FLT1: variants seen among roughly 807,000 people sequenced by gnomAD.
FLT1 encodes fms related receptor tyrosine kinase 1.
FLT1 carries 49 observed loss-of-function variants against 156.3 expected under a neutral mutation model. That is an observed-to-expected ratio of 0.31 (90% CI 0.25 to 0.40). The LOEUF is 0.40. Among genes scored for constraint, FLT1 ranks in the 10% least tolerant of loss-of-function variants. The pLI, the probability that FLT1 is intolerant of heterozygous loss-of-function variation, is 1.00. For missense variants in FLT1, 1,322 were observed against 1,637.2 expected, an observed-to-expected ratio of 0.81 and a Z score of 3.32; for synonymous variants, 594 against 583.8, an observed-to-expected ratio of 1.02 and a Z score of -0.25.
intron 3 of FLT1, among the ~76,000 whole-genome samples, chr13:28,465,708 T>C (rs151141622): frequency 0.016 from 2,429 of 152,208 alleles, 31 homozygotes; most frequent in Non-Finnish European, 0.023. Context: ...CCAGGAGTGG[T>C]GGCAGACGCC....
In FLT1 at chr13:28,301,934, G is replaced by C. The variant is rs981595842; in HGVS notation, c.*1233C>G. ...AAGGAGCTTAAAGTGCTTAATATGCGCCAGCTAATGCTCTTCCACATCCTT... is the reference window on the plus strand; with the variant it reads ...AAGGAGCTTAAAGTGCTTAATATGCCCCAGCTAATGCTCTTCCACATCCTT... On this transcript the variant is annotated 3_prime_UTR_variant, in exon 30 of 30. Coordinates refer to ENST00000282397, the MANE Select transcript of FLT1 (RefSeq NM_002019.4). 4.3e-6 allele frequency: 1 copy of C among 233,402 alleles called. No individual in the cohort carries two copies. Among genetic ancestry groups the C allele is most frequent in the African/African-American group, 2.2e-5 (1 of 45,332 alleles). 14.5% of individuals were successfully genotyped at this position (233,402 alleles called of 1,614,324 possible). A position where few individuals can be genotyped will look rare whatever the true frequency, so the allele number is the denominator to read the frequency against.
intron 23 of FLT1, among the ~76,000 whole-genome samples, chr13:28,320,338 A>G (rs2138828322): frequency 6.6e-6 from 1 of 152,266 alleles, no homozygotes; most frequent in East Asian, 1.9e-4. Flanking sequence ...CAAAGGATCA[A>G]TGTGAAGTCA....
chr13:28,352,274 T>C (rs1872754974), intron 15 of FLT1, among the ~76,000 whole-genome samples: 1 of 152,220 alleles, frequency 6.6e-6, no homozygotes, highest in Admixed American at 6.5e-5. Context: ...TGTACTTCCT[T>C]GTACCTGTAG....
At chr13:28,469,346 C>T (rs1278199679) in intron 1 of FLT1, among the ~76,000 whole-genome samples, 1 of 152,112 alleles carries the variant, frequency 6.6e-6, no homozygotes, top group Non-Finnish European at 1.5e-5. Flanking sequence ...TGTCAAATAC[C>T]CTGGTTATGC....
intron 14 of FLT1, among the ~76,000 whole-genome samples, chr13:28,366,872 A>G (rs906761130): frequency 6.6e-6 from 1 of 152,110 alleles, no homozygotes; most frequent in Non-Finnish European, 1.5e-5. Flanking sequence ...AAAATTGCTG[A>G]CTTTCTTATC....
At chr13:28,398,097 G>T (rs1414637248) in intron 11 of FLT1, among the ~76,000 whole-genome samples, 1 of 152,090 alleles carries the variant, frequency 6.6e-6, no homozygotes, top group Non-Finnish European at 1.5e-5. Flanking sequence ...ACCCAAGCTT[G>T]CATTAAAAAG....
intron 1 of FLT1, among the ~76,000 whole-genome samples, chr13:28,484,785 A>G (rs1395642946): frequency 6.6e-6 from 1 of 152,172 alleles, no homozygotes; most frequent in Non-Finnish European, 1.5e-5. Context: ...CAAGTCTGAT[A>G]GACTCAGATT....
chr13:28,449,129 A>T (rs1249041554), intron 3 of FLT1, among the ~76,000 whole-genome samples: 3 of 152,186 alleles, frequency 2.0e-5, no homozygotes, highest in African/African-American at 7.2e-5. Context: ...AAAAAATTTT[A>T]AAAATTAGCT....
At chr13:28,393,176 T>C (rs1874839696) in intron 12 of FLT1, among the ~76,000 whole-genome samples, 2 of 152,204 alleles carry the variant, frequency 1.3e-5, no homozygotes, top group South Asian at 4.1e-4. Context: ...TGGCATCTTA[T>C]GAGGTGTCAT....
chr13:28,469,025 C>T (rs868472084), intron 1 of FLT1, among the ~76,000 whole-genome samples: 1 of 152,146 alleles, frequency 6.6e-6, no homozygotes, highest in Non-Finnish European at 1.5e-5. Flanking sequence ...TCCCCTCATC[C>T]CTCAGTCTCT....
At position 28,427,840 on chromosome 13, in the gene FLT1, A is replaced by G. The variant is rs745384018; in HGVS notation, c.1188T>C (p.Thr396=). 6.2e-7 allele frequency: 1 copy of G among 1,613,878 alleles called. No individual in the cohort carries two copies. Among genetic ancestry groups the G allele is most frequent in the Non-Finnish European group, 8.5e-7 (1 of 1,179,778 alleles). ...TTGTATAATTCCCTGCATCCTCTTC[A>G]GTTACGTCCTTGATAATTAACGAGT... is the stretch of plus-strand genomic sequence containing the variant. ...RGYSLIIKDV[T]EEDAGNYTIL... Residue 396 remains threonine (T), a synonymous_variant, in exon 9 of 30, where the codon ACT becomes ACC. Transcript: ENST00000282397.
intron 1 of FLT1, among the ~76,000 whole-genome samples, chr13:28,469,670 T>C (rs764499905): frequency 3.3e-5 from 5 of 152,264 alleles, no homozygotes; most frequent in Non-Finnish European, 5.9e-5. Flanking sequence ...AATATTTTGC[T>C]GGGTATATAA....
rs564755484 is a variant in FLT1, at chr13:28,494,914, C to A, written c.-71G>T. The A allele has an allele frequency of 2.3e-6, 3 of 1,283,250 alleles. No individual in the cohort carries two copies. In the South Asian group the frequency reaches 4.3e-5, roughly 18 times the overall value. The allele number at this position is 1,283,250 out of a possible 1,614,324, so 79.5% of individuals were successfully genotyped here. ...GGCCAACGACCCGGCCGCCAGAGTCCGTCCTCTCGTTCGCCGCCGCCGGCC... is the reference window on the plus strand; with the variant it reads ...GGCCAACGACCCGGCCGCCAGAGTCAGTCCTCTCGTTCGCCGCCGCCGGCC... On this transcript the variant is annotated 5_prime_UTR_variant, in exon 1 of 30. Transcript: ENST00000282397.
chr13:28,427,748 T>C lies in FLT1; in HGVS notation c.1276+4A>G. ...CCAGAAGAAAGTATGAACAGCAAAC[T>C]TACCATTGACAATTAGAGTGGCAGT... On this transcript the variant is annotated splice_donor_region_variant and intron_variant, in intron 9 of 29. Transcript: ENST00000282397. The C allele has an allele frequency of 6.2e-7, 1 of 1,613,394 alleles. No homozygotes were observed. Among genetic ancestry groups the C allele is most frequent in the Non-Finnish European group, 8.5e-7 (1 of 1,179,342 alleles).
At chr13:28,484,019 G>A (rs756667999) in intron 1 of FLT1, among the ~76,000 whole-genome samples, 5 of 152,176 alleles carry the variant, frequency 3.3e-5, no homozygotes, top group African/African-American at 4.8e-5. Context: ...GGTTTCCTCA[G>A]CCTTGGGGCT....
chr13:28,493,986 C>T (rs1249975747), intron 1 of FLT1, among the ~76,000 whole-genome samples: 3 of 152,230 alleles, frequency 2.0e-5, no homozygotes, highest in Admixed American at 6.5e-5. Flanking sequence ...CCCTGGGCTG[C>T]CCTTGTGGGT....
chr13:28,311,788 A>G (rs1871015798), intron 26 of FLT1, 56 bp from the exon 27 acceptor site: 3 of 1,572,814 alleles, frequency 1.9e-6, no homozygotes, highest in East Asian at 2.2e-5. Context: ...AACAATTTCT[A>G]TGAACCATTA....
Position 28,365,734 on chromosome 13 carries a change from T to A in FLT1, c.2117-8049A>T, listed in dbSNP as rs140370309. Among the ~76,000 whole-genome samples the A allele has an allele frequency of 4.5e-3, 688 of 152,324 alleles. 3 individuals carry two copies. The highest frequency in any genetic ancestry group is 7.2e-3 in the Non-Finnish European group (487 of 68,026). ...GGCCTGCTTGCTTGCTTCTAAAGGA[T>A]AGCCTAAGTCATTACCATGTGCTTG... is the stretch of plus-strand genomic sequence containing the variant. On this transcript the variant is annotated intron_variant, in intron 14 of 29. Coordinates refer to ENST00000282397, the MANE Select transcript of FLT1 (RefSeq NM_002019.4).
At chr13:28,376,902 G>C (rs984812837) in intron 14 of FLT1, among the ~76,000 whole-genome samples, 2 of 152,176 alleles carry the variant, frequency 1.3e-5, no homozygotes, top group Non-Finnish European at 2.9e-5. Flanking sequence ...ATTGTTCCAA[G>C]TCTGGTTTGC....
Sources: allele counts gnomAD v4.1 joint callset (sites outside exome capture counted in the v4.1 genomes callset), GRCh38; gene constraint gnomAD v4.1.1; transcripts MANE v1.5; gene names NCBI Gene and HGNC (gene_info 2026-07-23, HGNC 2026-07-21).